Variants in NELL1 observed in about 807,000 individuals in gnomAD.
NELL1 encodes the protein neural EGFL like 1, also known as protein kinase C-binding protein NELL1.
In NELL1, 76 loss-of-function variants were observed where a neutral mutation model predicts 107.4. That is an observed-to-expected ratio of 0.71 (90% confidence interval 0.59 to 0.86). NELL1 has a LOEUF of 0.86. Ranked by LOEUF, NELL1 falls within the 40% of genes least tolerant of loss-of-function variation. The pLI is 0.00. For synonymous variants in NELL1, 353 were observed against 341.2 expected, an observed-to-expected ratio of 1.03 and a Z score of -0.38; for missense variants, 1,024 against 1,005.5, an observed-to-expected ratio of 1.02 and a Z score of -0.25.
At chr11:20,894,324 T>G (rs1849680418) in intron 5 of NELL1, among the ~76,000 whole-genome samples, 1 of 152,202 alleles carries the variant, frequency 6.6e-6, no homozygotes, top group South Asian at 2.1e-4. Context: ...AATAGATGAC[T>G]AAGAGAGTAA....
chr11:20,779,814 C>T (rs370626904), intron 2 of NELL1, among the ~76,000 whole-genome samples: 60 of 152,260 alleles, frequency 3.9e-4, no homozygotes, highest in African/African-American at 1.4e-3. Context: ...TAGGAAAGAA[C>T]TTGGAGATCA....
chr11:20,796,697 T>G (rs1045561598), intron 3 of NELL1, among the ~76,000 whole-genome samples: 1 of 152,108 alleles, frequency 6.6e-6, no homozygotes, highest in Non-Finnish European at 1.5e-5. Context: ...GAGATAACAA[T>G]GCAAAACTAT....
rs143857342 is a variant in NELL1 at position 21,229,645 on chromosome 11, A to G, written c.1549+191A>G. On this transcript the variant is annotated intron_variant, in intron 14 of 19. Transcript: ENST00000357134. ...CTTCAGGTTTAGCTTTGGAGTTGAA[A>G]GAAAAAGGTATAGGTATGGGTCAGG... is the stretch of plus-strand genomic sequence containing the variant. Among the ~76,000 whole-genome samples, 289 of 152,314 alleles carry G rather than the reference A, an allele frequency of 1.9e-3. 1 individual carries two copies. Among genetic ancestry groups the G allele is most frequent in the Middle Eastern group, 0.01 (3 of 294 alleles).
In NELL1 at chr11:21,167,175, C is replaced by T. The variant is rs1458943912; in HGVS notation, c.1426+53461C>T. The stretch of plus-strand genomic sequence containing the variant: ...AGCATTATTTTTCTACATGTATTGG[C>T]TTTCATTATATAGTGTTGCCCCAGT... On this transcript the variant is annotated intron_variant, in intron 13 of 19. Transcript: ENST00000357134. Among the ~76,000 whole-genome samples, 3 of 151,742 alleles carry T rather than the reference C, an allele frequency of 2.0e-5. 1 individual carries two copies. The highest frequency in any genetic ancestry group is 7.3e-5 in the African/African-American group (3 of 41,068).
intron 4 of NELL1, among the ~76,000 whole-genome samples, chr11:20,865,469 G>A (rs954965429): frequency 1.3e-5 from 2 of 152,096 alleles, no homozygotes; most frequent in Non-Finnish European, 2.9e-5. Flanking sequence ...TGGCTTCTCG[G>A]GAAACATTCT....
intron 13 of NELL1, among the ~76,000 whole-genome samples, chr11:21,190,143 A>G (rs1857018661): frequency 6.6e-6 from 1 of 151,798 alleles, no homozygotes; most frequent in Non-Finnish European, 1.5e-5. Context: ...ACCTGAGGTC[A>G]GGAGTTTGAG....
At chr11:21,420,952 A>G (rs1590919577) in intron 15 of NELL1, among the ~76,000 whole-genome samples, 1 of 152,264 alleles carries the variant, frequency 6.6e-6, no homozygotes, top group Middle Eastern at 3.4e-3. Flanking sequence ...CAGCAACAAA[A>G]TAATCAGTAA....
chr11:20,815,679 T>A (rs1230917998), intron 3 of NELL1, among the ~76,000 whole-genome samples: 1 of 152,198 alleles, frequency 6.6e-6, no homozygotes, highest in East Asian at 1.9e-4. Flanking sequence ...TTGTTAATTT[T>A]TGTTTTTGTT....
intron 11 of NELL1, among the ~76,000 whole-genome samples, chr11:20,951,333 C>T (rs1382582299): frequency 6.6e-6 from 1 of 152,066 alleles, no homozygotes; most frequent in Non-Finnish European, 1.5e-5. Context: ...ACCAAATTTT[C>T]TCATATGGTT....
intron 15 of NELL1, among the ~76,000 whole-genome samples, chr11:21,425,324 A>C (rs1852793336): frequency 6.6e-6 from 1 of 152,206 alleles, no homozygotes; most frequent in African/African-American, 2.4e-5. Flanking sequence ...GGTAGGTATC[A>C]ATCAGTTATG....
At chr11:21,194,217 C>T (rs767569290) in intron 13 of NELL1, among the ~76,000 whole-genome samples, 3 of 149,538 alleles carry the variant, frequency 2.0e-5, no homozygotes, top group Admixed American at 6.6e-5. Context: ...CCTCCAGACT[C>T]TCTAGCACCC....
intron 13 of NELL1, among the ~76,000 whole-genome samples, chr11:21,194,254 G>A (rs956075811): frequency 6.6e-6 from 1 of 152,044 alleles, no homozygotes; most frequent in East Asian, 1.9e-4. Flanking sequence ...CTTCACCTCC[G>A]GGTTCTAACA....
rs144750211 is a variant in NELL1, at chr11:20,834,402, G to A, written c.336-13181G>A. 2.0e-3 allele frequency among the ~76,000 whole-genome samples: 306 copies of A among 152,232 alleles called. 1 individual carries two copies. The highest frequency in any genetic ancestry group is 7.1e-3 in the African/African-American group (296 of 41,532). ...GCGAGTATTGAGTTTGGGGTATTCC[G>A]GGAGAGATGTTGAGTAGGTAGTTGG... is the stretch of plus-strand genomic sequence containing the variant. On this transcript the variant is annotated intron_variant, in intron 3 of 19. Coordinates refer to ENST00000357134, the MANE Select transcript of NELL1 (RefSeq NM_006157.5).
chr11:21,033,634 C>G (rs560852323), intron 12 of NELL1, among the ~76,000 whole-genome samples: 1 of 152,182 alleles, frequency 6.6e-6, no homozygotes, highest in East Asian at 1.9e-4. Context: ...TTAATCCAGT[C>G]TACCATCGAT....
intron 15 of NELL1, among the ~76,000 whole-genome samples, chr11:21,448,568 G>T (rs1368640069): frequency 6.6e-6 from 1 of 152,124 alleles, no homozygotes; most frequent in Non-Finnish European, 1.5e-5. Context: ...ACTTTGGTTA[G>T]GTCTAACTGA....
intron 15 of NELL1, among the ~76,000 whole-genome samples, chr11:21,492,423 G>A (rs1854846920): frequency 6.6e-6 from 1 of 151,992 alleles, no homozygotes. Flanking sequence ...TATAAATCAT[G>A]CTGCTATAAG....
At chr11:21,149,000 C>T (rs1856050425) in intron 13 of NELL1, among the ~76,000 whole-genome samples, 1 of 152,172 alleles carries the variant, frequency 6.6e-6, no homozygotes, top group Non-Finnish European at 1.5e-5. Context: ...TCTAACATCA[C>T]TCACAGCCTG....
Position 20,748,895 on chromosome 11 carries a change from T to TCCACCCAGCCAC in NELL1, c.185-34782_185-34781insCCCAGCCACCCA, listed in dbSNP as rs1207730502. 1.5e-3 allele frequency among the ~76,000 whole-genome samples: 215 copies of TCCACCCAGCCAC among 141,356 alleles called. 1 individual carries two copies. Among genetic ancestry groups the TCCACCCAGCCAC allele is most frequent in the Middle Eastern group, 3.6e-3 (1 of 278 alleles). The allele number at this position is 141,356 out of a possible 152,430, so 92.7% of individuals were successfully genotyped here. A position where few individuals can be genotyped will look rare whatever the true frequency, so the allele number is the denominator to read the frequency against. ...TATCATCCATCCATCCATCCATCCA[T>TCCACCCAGCCAC]CCATCCACCCAGCCACCCATCCATC... On this transcript the variant is annotated intron_variant, in intron 2 of 19. Coordinates refer to ENST00000357134, the MANE Select transcript of NELL1 (RefSeq NM_006157.5).
intron 2 of NELL1, among the ~76,000 whole-genome samples, chr11:20,735,332 C>T (rs1176942780): frequency 1.3e-5 from 2 of 152,116 alleles, no homozygotes; most frequent in African/African-American, 4.8e-5. Context: ...AATTGACTCA[C>T]GTTTTTGCAT....
Sources: allele counts gnomAD v4.1 joint callset (sites outside exome capture counted in the v4.1 genomes callset), GRCh38; gene constraint gnomAD v4.1.1; transcripts MANE v1.5; gene names NCBI Gene and HGNC (gene_info 2026-07-23, HGNC 2026-07-21).